ZNF510: variants seen among roughly 807,000 people sequenced by gnomAD.
ZNF510 encodes zinc finger protein 510.
A neutral mutation model predicts 18.1 loss-of-function variants in ZNF510; 15 were observed. The observed-to-expected ratio is 0.83, with a 90% confidence interval of 0.55 to 1.28. The LOEUF (loss-of-function observed/expected upper bound fraction) is 1.28. Among genes scored for constraint, ZNF510 ranks in the 50% most tolerant of loss-of-function variants. The probability of loss-of-function intolerance (pLI) is 0.00; values close to 1 mark genes in which losing one functional copy is unlikely to be tolerated. For missense variants in ZNF510, 724 were observed against 791.8 expected (o/e 0.91, Z 1.03); for synonymous variants, 261 against 266.4 (o/e 0.98, Z 0.20).
chr9:96,759,607 T>C lies in ZNF510; in HGVS notation c.1223A>G (p.Glu408Gly). 1 of 1,614,020 alleles carries C rather than the reference T, an allele frequency of 6.2e-7. No homozygotes were observed. Among genetic ancestry groups the C allele is most frequent in the Non-Finnish European group, 8.5e-7 (1 of 1,180,002 alleles). The change falls in exon 6 of 6, where the codon GAA becomes GGA. Residue 408 changes from glutamate (E) to glycine (G), a missense_variant. By Grantham distance (98) the Glu-to-Gly change is moderately conservative (BLOSUM62 -2). Transcript: ENST00000223428. The stretch of plus-strand genomic sequence containing the variant: ...TTTCTGACAGAAGGATTTCCCACAT[T>C]CATTACATTTATAGGGTTTCATCAT... ...HSMMKPYKCN[E>G]CGKSFCQKGH... is the part of the protein sequence containing the mutation.
rs541838835 is a variant in ZNF510, at chr9:96,755,650, C to T, written c.*3128G>A. ...GGCCAGAAAGATGGGTATTATGGTTCCTATACATGCCAGTCCTATTCACAA... is the reference window on the plus strand; with the variant it reads ...GGCCAGAAAGATGGGTATTATGGTTTCTATACATGCCAGTCCTATTCACAA... On this transcript the variant is annotated 3_prime_UTR_variant, in exon 6 of 6. Transcript: ENST00000223428. 1.1e-4 allele frequency among the ~76,000 whole-genome samples: 16 copies of T among 152,182 alleles called. No homozygotes were observed. Among genetic ancestry groups the T allele is most frequent in the African/African-American group, 3.4e-4 (14 of 41,512 alleles).
At position 96,754,841 on chromosome 9, in the gene ZNF510, T is replaced by C. The variant is rs1275074509; in HGVS notation, c.*3937A>G. On this transcript the variant is annotated 3_prime_UTR_variant, in exon 6 of 6. Transcript: ENST00000223428. The stretch of plus-strand genomic sequence containing the variant: ...ACTGCTTCATGTGTTTGAGATACAC[T>C]GTGAATAAAACAGACAAAAATTCCT... 6.6e-6 allele frequency among the ~76,000 whole-genome samples: 1 copy of C among 152,222 alleles called. No homozygotes were observed. Among genetic ancestry groups the C allele is most frequent in the South Asian group, 2.1e-4 (1 of 4,830 alleles).
chr9:96,776,856 G>C (rs10816533), intron 1 of ZNF510, among the ~76,000 whole-genome samples: 23,012 of 152,062 alleles, frequency 0.15, 4,070 homozygotes, highest in African/African-American at 0.42. Flanking sequence ...TGGTGAAGAA[G>C]TGACCTAAGG....
Position 96,758,871 on chromosome 9 carries a change from C to T in ZNF510, c.1959G>A (p.Glu653=), listed in dbSNP as rs1332262724. 2.5e-6 allele frequency: 4 copies of T among 1,614,034 alleles called. No individual in the cohort carries two copies. The highest frequency in any genetic ancestry group is 3.4e-6 in the Non-Finnish European group (4 of 1,179,974). ...LRIHQRTHSG[E]KSYECNEYGK... ...CATATTCATTGCATTCATAAGATTT[C>T]TCCCCACTGTGAGTCCTTTGATGTA... Residue 653 remains glutamate, a synonymous_variant, in exon 6 of 6, where the codon GAG becomes GAA. Transcript: ENST00000223428.
At chr9:96,775,916 G>T in intron 2 of ZNF510, 84 bp downstream of exon 2, 1 of 1,522,346 alleles carries the variant, frequency 6.6e-7, no homozygotes, top group Non-Finnish European at 8.9e-7. Flanking sequence ...TGCCTTCCTT[G>T]GAGACCATGG....
At chr9:96,776,632 T>G (rs73536615) in intron 1 of ZNF510, among the ~76,000 whole-genome samples, 4,416 of 152,202 alleles carry the variant, frequency 0.029, 240 homozygotes, top group African/African-American at 0.1. Flanking sequence ...AAAAATTAGC[T>G]GGGCATGGCC....
rs1430833429 is a variant in ZNF510, at chr9:96,759,928, C to G, written c.902G>C (p.Arg301Thr). ...CAGGTGTTTCTTCCCTGTGCCAGTT[C>G]TCCTGTGGTCAAAGAGAGTTTTCTT... ...CDKKTLFDHRRTGTGKKHLHL... is the reference protein window; with the variant it reads ...CDKKTLFDHRTTGTGKKHLHL... The change falls in exon 6 of 6, where the codon AGA becomes ACA. Residue 301 changes from arginine (R) to threonine (T), a missense_variant. Arg to Thr is a moderately conservative substitution (Grantham distance 71, BLOSUM62 -1). Coordinates refer to ENST00000223428, the MANE Select transcript of ZNF510 (RefSeq NM_014930.3). 6.2e-7 allele frequency: 1 copy of G among 1,613,236 alleles called. No individual in the cohort carries two copies. The highest frequency in any genetic ancestry group is 2.2e-5 in the East Asian group (1 of 44,870).
At chr9:96,770,410 T>G in intron 3 of ZNF510, among the ~76,000 whole-genome samples, 1 of 146,808 alleles carries the variant, frequency 6.8e-6, no homozygotes, top group Admixed American at 6.8e-5. Flanking sequence ...GCCAACATGG[T>G]GACACCCTGT....
intron 5 of ZNF510, chr9:96,762,848 A>G (rs1849384451): frequency 4.4e-6 from 1 of 228,776 alleles, no homozygotes; most frequent in Non-Finnish European, 8.6e-6. Context: ...AGTTCTTTAC[A>G]TTTTCAGGAA....
chr9:96,772,396 C>T (rs1030366431), intron 3 of ZNF510, among the ~76,000 whole-genome samples: 5 of 151,934 alleles, frequency 3.3e-5, no homozygotes, highest in African/African-American at 7.3e-5. Context: ...ACGATCTGAC[C>T]TTTATTAAAT....
chr9:96,761,185 A>G (rs891166205), intron 5 of ZNF510, among the ~76,000 whole-genome samples: 2 of 152,222 alleles, frequency 1.3e-5, no homozygotes, highest in Admixed American at 6.5e-5. Context: ...TCTGGCTGTC[A>G]TAGCATTGAT....
rs1284748565 is a variant in ZNF510, at chr9:96,754,801, C to T, written c.*3977G>A. Among the ~76,000 whole-genome samples, 4 of 152,162 alleles carry T rather than the reference C, an allele frequency of 2.6e-5. No homozygotes were observed. The highest frequency in any genetic ancestry group is 9.7e-5 in the African/African-American group (4 of 41,438). ...ACCTTCAGCAAGTATTTCTGAGTGC[C>T]TAATACGAAGAGGGACTGCTTCATG... is the stretch of plus-strand genomic sequence containing the variant. On this transcript the variant is annotated 3_prime_UTR_variant, in exon 6 of 6. Coordinates refer to ENST00000223428, the MANE Select transcript of ZNF510 (RefSeq NM_014930.3).
At chr9:96,771,143 T>A (rs1849576912) in intron 3 of ZNF510, among the ~76,000 whole-genome samples, 1 of 152,184 alleles carries the variant, frequency 6.6e-6, no homozygotes, top group Admixed American at 6.5e-5. Flanking sequence ...TTTGAGAATA[T>A]AATGTTGACG....
In ZNF510 at chr9:96,759,670, T is replaced by C; in HGVS notation, c.1160A>G (p.Gln387Arg). The C allele has an allele frequency of 6.2e-7, 1 of 1,613,670 alleles. No individual in the cohort carries two copies. Among genetic ancestry groups the C allele is most frequent in the Non-Finnish European group, 8.5e-7 (1 of 1,179,976 alleles). ...SEYHENKKSY[Q>R]TSVHRVRRRS... Reference sequence around the variant, plus strand: ...TCGGCGAACTCTGTGAACCGACGTCTGGTAGGATTTCTTATTTTCATGATA... The same window carrying C: ...TCGGCGAACTCTGTGAACCGACGTCCGGTAGGATTTCTTATTTTCATGATA... Residue 387 changes from glutamine (Q) to arginine (R), a missense_variant, in exon 6 of 6, where the codon CAG (glutamine) becomes CGG (arginine). Coordinates refer to ENST00000223428, the MANE Select transcript of ZNF510 (RefSeq NM_014930.3).
At chr9:96,765,773 A>C (rs963661106) in intron 3 of ZNF510, among the ~76,000 whole-genome samples, 1 of 152,076 alleles carries the variant, frequency 6.6e-6, no homozygotes, top group South Asian at 2.1e-4. Context: ...GGCCTCCCAA[A>C]GTGCTGGGAT....
At chr9:96,763,426 A>C in intron 4 of ZNF510, 80 bp downstream of exon 4, 1 of 1,486,590 alleles carries the variant, frequency 6.7e-7, no homozygotes, top group Non-Finnish European at 9.1e-7. Context: ...CTTTAAGTAA[A>C]TTGTTCACAT....
At chr9:96,777,008 G>C (rs886891448) in intron 1 of ZNF510, among the ~76,000 whole-genome samples, 1 of 152,154 alleles carries the variant, frequency 6.6e-6, no homozygotes, top group African/African-American at 2.4e-5. Context: ...GAAAACCACA[G>C]TATGTTCTTA....
Position 96,756,909 on chromosome 9 carries a change from T to G in ZNF510, c.*1869A>C, listed in dbSNP as rs1191894240. 6.6e-6 allele frequency: 1 copy of G among 152,236 alleles called. No individual in the cohort carries two copies. The highest frequency in any genetic ancestry group is 2.1e-4 in the South Asian group (1 of 4,834). The allele number at this position is 152,236 out of a possible 1,614,324, so 9.4% of individuals were successfully genotyped here. On this transcript the variant is annotated 3_prime_UTR_variant, in exon 6 of 6. Coordinates refer to ENST00000223428, the MANE Select transcript of ZNF510 (RefSeq NM_014930.3). ...ACAATTATTCCTGATTAGAATTCTATGACTTATGCGAATTACAGGGAATTA... is the reference window on the plus strand; with the variant it reads ...ACAATTATTCCTGATTAGAATTCTAGGACTTATGCGAATTACAGGGAATTA...
Position 96,757,184 on chromosome 9 carries a change from C to T in ZNF510, c.*1594G>A, listed in dbSNP as rs182442243. The T allele has an allele frequency of 1.5e-4, 23 of 152,254 alleles. No individual in the cohort carries two copies. Among genetic ancestry groups the T allele is most frequent in the Admixed American group, 1.3e-4 (2 of 15,292 alleles). The allele number at this position is 152,254 out of a possible 1,614,324, so 9.4% of individuals were successfully genotyped here. A position where few individuals can be genotyped will look rare whatever the true frequency, so the allele number is the denominator to read the frequency against. ...AGTCCCTCCCCTCTCTGGAGGTTTC[C>T]CATAATACTTGGGTGGGTGCCAATG... is the stretch of plus-strand genomic sequence containing the variant. On this transcript the variant is annotated 3_prime_UTR_variant, in exon 6 of 6. Transcript: ENST00000223428.
Sources: allele counts gnomAD v4.1 joint callset (sites outside exome capture counted in the v4.1 genomes callset), GRCh38; gene constraint gnomAD v4.1.1; transcripts MANE v1.5; gene names NCBI Gene and HGNC (gene_info 2026-07-23, HGNC 2026-07-21).